Variants in ANO4 observed in about 807,000 individuals in gnomAD.
ANO4 encodes anoctamin-4.
A neutral mutation model predicts 141.9 loss-of-function variants in ANO4; 69 were observed. That is an observed-to-expected ratio of 0.49 (90% CI 0.40 to 0.59). The LOEUF is 0.59. Among genes scored for constraint, ANO4 ranks in the 20% least tolerant of loss-of-function variants. The pLI, the probability that ANO4 is intolerant of heterozygous loss-of-function variation, is 0.00. For missense variants in ANO4, 894 were observed against 1,162.2 expected (o/e 0.77, Z 3.36); for synonymous variants, 350 against 394.3 (o/e 0.89, Z 1.33).
chr12:100,933,094 T>C (rs1351317931), intron 3 of ANO4, among the ~76,000 whole-genome samples: 1 of 144,392 alleles, frequency 6.9e-6, no homozygotes, highest in Non-Finnish European at 1.5e-5. Context: ...GCATTTTCTC[T>C]CCTTCTTGTC....
intron 1 of ANO4, among the ~76,000 whole-genome samples, chr12:100,830,232 A>G (rs10860641): frequency 0.18 from 27,622 of 151,960 alleles, 2,963 homozygotes; most frequent in Middle Eastern, 0.3. Context: ...GAAGCAACAC[A>G]GTTTGCTGTT....
chr12:100,930,702 C>T (rs771721654), intron 3 of ANO4, among the ~76,000 whole-genome samples: 3 of 152,044 alleles, frequency 2.0e-5, no homozygotes, highest in Non-Finnish European at 2.9e-5. Context: ...TAACTAGAAC[C>T]GCAGGTTCTT....
chr12:100,729,362 A>C (rs1248826889), intron 1 of ANO4, among the ~76,000 whole-genome samples: 1 of 114,982 alleles, frequency 8.7e-6, no homozygotes, highest in African/African-American at 4.1e-5. Flanking sequence ...CTCTGTCTCA[A>C]AAAAAAAAAA....
At chr12:100,886,302 T>TAA (rs2039826004) in intron 1 of ANO4, among the ~76,000 whole-genome samples, 1 of 149,898 alleles carries the variant, frequency 6.7e-6, no homozygotes, top group Non-Finnish European at 1.5e-5. Context: ...CTACATCCAG[T>TAA]GTAGCATATA....
At chr12:100,918,176 A>G (rs1053517209) in intron 2 of ANO4, among the ~76,000 whole-genome samples, 1 of 152,154 alleles carries the variant, frequency 6.6e-6, no homozygotes, top group Non-Finnish European at 1.5e-5. Context: ...AAAATACACA[A>G]ATTAGCCAGG....
intron 14 of ANO4, 84 bp from the exon 15 acceptor site, chr12:101,079,109 A>G (rs761341068): frequency 1.7e-6 from 2 of 1,179,948 alleles, no homozygotes; most frequent in East Asian, 2.4e-5. Context: ...ATTCTTGGCA[A>G]TGGCTTCATT....
chr12:100,724,698 T>C (rs911304078), intron 1 of ANO4, among the ~76,000 whole-genome samples: 1 of 152,184 alleles, frequency 6.6e-6, no homozygotes, highest in Non-Finnish European at 1.5e-5. Flanking sequence ...AGGACCAGCC[T>C]GTGTCTACTA....
chr12:101,111,572 A>G lies in ANO4; in HGVS notation c.2312A>G (p.Tyr771Cys), dbSNP rs2050666620. The G allele has an allele frequency of 1.2e-6, 2 of 1,604,824 alleles. No homozygotes were observed. The highest frequency in any genetic ancestry group is 1.7e-6 in the Non-Finnish European group (2 of 1,175,890). ...ASRAKDIGIW[Y>C]GILEGIGILS... ...ACTTCTATTTGAATAGGAATTTGGT[A>G]TGGAATTCTTGAAGGCATTGGAATT... is the stretch of plus-strand genomic sequence containing the variant. Residue 771 changes from tyrosine (Y) to cysteine (C), a missense_variant, in exon 24 of 28, where the codon TAT becomes TGT. Tyr to Cys is a radical substitution (Grantham distance 194). Coordinates refer to ENST00000392977, the MANE Select transcript of ANO4 (RefSeq NM_001286615.2).
chr12:100,719,876 C>G (rs1282335954), intron 1 of ANO4, among the ~76,000 whole-genome samples: 1 of 152,134 alleles, frequency 6.6e-6, no homozygotes, highest in Non-Finnish European at 1.5e-5. Flanking sequence ...TTTCAGGCCA[C>G]CATCTAGACT....
intron 24 of ANO4, 99 bp downstream of exon 24, chr12:101,111,809 A>C: frequency 1.8e-6 from 2 of 1,120,998 alleles, no homozygotes; most frequent in East Asian, 2.8e-5. Flanking sequence ...TATGGAATAC[A>C]TGCCCAGAAG....
intron 3 of ANO4, among the ~76,000 whole-genome samples, chr12:100,936,337 C>A (rs1394569514): frequency 2.0e-5 from 3 of 152,106 alleles, no homozygotes; most frequent in Non-Finnish European, 2.9e-5. Flanking sequence ...GGATGTATAG[C>A]GGCATCCCTG....
chr12:100,907,054 C>G (rs1431730281), intron 2 of ANO4, among the ~76,000 whole-genome samples: 1 of 152,120 alleles, frequency 6.6e-6, no homozygotes, highest in Non-Finnish European at 1.5e-5. Flanking sequence ...CTCTCAGACA[C>G]CAAGGTTCTC....
intron 3 of ANO4, among the ~76,000 whole-genome samples, chr12:100,789,020 C>T (rs2033959874): frequency 6.6e-6 from 1 of 151,866 alleles, no homozygotes; most frequent in Admixed American, 6.6e-5. Context: ...TTGGTGAGTT[C>T]AAGAAACAGG....
At chr12:100,794,045 C>A (rs1418383404), upstream of ANO4, among the ~76,000 whole-genome samples, 1 of 152,178 alleles carries the variant, frequency 6.6e-6, no homozygotes, top group Non-Finnish European at 1.5e-5. Flanking sequence ...TGTTAACTAT[C>A]TTCAGAAGCT....
intron 14 of ANO4, among the ~76,000 whole-genome samples, chr12:101,064,672 A>T (rs1026470196): frequency 1.4e-5 from 2 of 142,032 alleles, no homozygotes; most frequent in Non-Finnish European, 3.0e-5. Flanking sequence ...TTATAATAAT[A>T]ATAATAATAA....
At chr12:100,917,970 A>T (rs1049764219) in intron 2 of ANO4, among the ~76,000 whole-genome samples, 4 of 152,182 alleles carry the variant, frequency 2.6e-5, no homozygotes. Context: ...CTGAACTCCA[A>T]ATAATTATTA....
At chr12:100,786,918 T>C (rs2033890771) in intron 3 of ANO4, among the ~76,000 whole-genome samples, 1 of 152,220 alleles carries the variant, frequency 6.6e-6, no homozygotes, top group Non-Finnish European at 1.5e-5. Flanking sequence ...TCTACAGATA[T>C]ACACTGAGGA....
At chr12:101,090,802 G>T (rs1405486120) in intron 17 of ANO4, among the ~76,000 whole-genome samples, 3 of 152,010 alleles carry the variant, frequency 2.0e-5, no homozygotes, top group African/African-American at 7.2e-5. Flanking sequence ...ATACACACTT[G>T]CCCATATGTT....
chr12:100,840,181 C>A (rs2037164796), intron 1 of ANO4, among the ~76,000 whole-genome samples: 1 of 151,854 alleles, frequency 6.6e-6, no homozygotes, highest in African/African-American at 2.4e-5. Flanking sequence ...CATTAGTTAC[C>A]CGTTCTCTTT....
Sources: gnomAD v4.1 joint callset for allele counts (sites outside exome capture counted in the v4.1 genomes callset) on GRCh38, gnomAD v4.1.1 for gene constraint, MANE v1.5 for transcripts, NCBI Gene and HGNC (gene_info 2026-07-23, HGNC 2026-07-21) for gene names.